Variants in FBXW7 observed in about 807,000 individuals in gnomAD.
FBXW7 encodes the protein F-box/WD repeat-containing protein 7.
A neutral mutation model predicts 86.3 loss-of-function variants in FBXW7; 11 were observed. That is an observed-to-expected ratio of 0.13 (90% confidence interval 0.08 to 0.21). The LOEUF is 0.21. Among genes scored for constraint, FBXW7 ranks in the 10% least tolerant of loss-of-function variants. The pLI is 1.00. For synonymous variants in FBXW7, 313 were observed against 297.9 expected (o/e 1.05, Z -0.52); for missense variants, 488 against 847.4 (o/e 0.58, Z 5.27).
At chr4:152,369,092 G>GA (rs564902237) in intron 4 of FBXW7, among the ~76,000 whole-genome samples, 4 of 151,882 alleles carry the variant, frequency 2.6e-5, no homozygotes, top group South Asian at 4.2e-4. Context: ...AACTAAAAAT[G>GA]AAAAAAATAC....
At chr4:152,336,914 A>C (rs1303593007) in intron 7 of FBXW7, among the ~76,000 whole-genome samples, 2 of 151,978 alleles carry the variant, frequency 1.3e-5, no homozygotes, top group Admixed American at 6.6e-5. Flanking sequence ...TTCAAATTTG[A>C]AGTTTCAGGA....
chr4:152,417,445 G>C (rs548414277), intron 2 of FBXW7, among the ~76,000 whole-genome samples: 16 of 152,176 alleles, frequency 1.1e-4, no homozygotes, highest in African/African-American at 3.4e-4. Flanking sequence ...GTATGTATGT[G>C]GCAGGCAGGT....
At chr4:152,503,101 T>C (rs183554480) in intron 2 of FBXW7, among the ~76,000 whole-genome samples, 1 of 152,330 alleles carries the variant, frequency 6.6e-6, no homozygotes, top group African/African-American at 2.4e-5. Context: ...TAGAAAATTA[T>C]GAGGAATACT....
intron 4 of FBXW7, among the ~76,000 whole-genome samples, chr4:152,351,904 T>G (rs993269331): frequency 1.3e-5 from 2 of 152,124 alleles, no homozygotes; most frequent in Non-Finnish European, 2.9e-5. Flanking sequence ...GAAAGGATTT[T>G]ATTTTAAAAA....
At chr4:152,485,167 G>C (rs1026396041) in intron 2 of FBXW7, among the ~76,000 whole-genome samples, 2 of 151,706 alleles carry the variant, frequency 1.3e-5, no homozygotes, top group African/African-American at 4.8e-5. Flanking sequence ...AAGAGTAAAA[G>C]AAAAACATAT....
At chr4:152,476,132 G>A (rs1172877469) in intron 2 of FBXW7, among the ~76,000 whole-genome samples, 1 of 152,044 alleles carries the variant, frequency 6.6e-6, no homozygotes, top group Non-Finnish European at 1.5e-5. Flanking sequence ...GACACACACA[G>A]AAATCAACAA....
chr4:152,534,283 G>GA (rs757958687), intron 2 of FBXW7, among the ~76,000 whole-genome samples: 40 of 151,514 alleles, frequency 2.6e-4, no homozygotes, highest in African/African-American at 4.1e-4. Context: ...GGGTGAAAGG[G>GA]AAAAAATCAC....
At chr4:152,422,941 T>C (rs1449311810) in intron 2 of FBXW7, among the ~76,000 whole-genome samples, 1 of 152,244 alleles carries the variant, frequency 6.6e-6, no homozygotes, top group Non-Finnish European at 1.5e-5. Context: ...TCTTTTCTTT[T>C]TCTTAAAATT....
chr4:152,461,310 C>G (rs1457142274), intron 2 of FBXW7, among the ~76,000 whole-genome samples: 1 of 152,044 alleles, frequency 6.6e-6, no homozygotes, highest in African/African-American at 2.4e-5. Context: ...TGATCTCAAC[C>G]CTAAAATTCT....
chr4:152,352,431 A>C (rs751815866), intron 4 of FBXW7: 2 of 1,612,280 alleles, frequency 1.2e-6, no homozygotes, highest in Admixed American at 1.7e-5. Context: ...AGGCATACAC[A>C]CACAATCACA....
intron 4 of FBXW7, among the ~76,000 whole-genome samples, chr4:152,389,844 T>C (rs1370053734): frequency 1.3e-5 from 2 of 152,086 alleles, no homozygotes; most frequent in East Asian, 3.8e-4. Flanking sequence ...TCCTTTATTA[T>C]AGTTTAGTGA....
intron 6 of FBXW7, among the ~76,000 whole-genome samples, chr4:152,343,694 A>G (rs1730967224): frequency 6.6e-6 from 1 of 152,166 alleles, no homozygotes; most frequent in Admixed American, 6.5e-5. Context: ...ACCATTTATT[A>G]GCACCTGAAT....
At chr4:152,421,926 C>T (rs1056735620) in intron 2 of FBXW7, among the ~76,000 whole-genome samples, 6 of 151,904 alleles carry the variant, frequency 3.9e-5, no homozygotes, top group Admixed American at 6.6e-5. Flanking sequence ...TAAAAGAGAT[C>T]GCTGATCATA....
chr4:152,480,475 A>G (rs568130646), intron 2 of FBXW7, among the ~76,000 whole-genome samples: 2 of 152,272 alleles, frequency 1.3e-5, no homozygotes, highest in East Asian at 1.9e-4. Context: ...AATGGCCTCT[A>G]AGTGTTGGAG....
At chr4:152,477,079 A>G (rs139664862) in intron 2 of FBXW7, among the ~76,000 whole-genome samples, 132 of 151,802 alleles carry the variant, frequency 8.7e-4, no homozygotes, top group South Asian at 2.9e-3. Context: ...GGAAGCTAAT[A>G]CTCTGGTCAC....
intron 2 of FBXW7, among the ~76,000 whole-genome samples, chr4:152,475,720 T>C (rs1181369314): frequency 1.3e-5 from 2 of 152,142 alleles, no homozygotes; most frequent in Non-Finnish European, 2.9e-5. Flanking sequence ...AGCAATAAGT[T>C]AGTACATCAA....
intron 4 of FBXW7, chr4:152,382,096 T>C: frequency 2.4e-6 from 2 of 845,928 alleles, no homozygotes; most frequent in South Asian, 2.8e-5. Flanking sequence ...TAATTTTAAA[T>C]AAAAACTGAA....
intron 2 of FBXW7, among the ~76,000 whole-genome samples, chr4:152,470,044 A>G (rs1743809378): frequency 6.6e-6 from 1 of 152,052 alleles, no homozygotes; most frequent in African/African-American, 2.4e-5. Flanking sequence ...CTTCAGAGTT[A>G]CACCTACTCT....
intron 2 of FBXW7, among the ~76,000 whole-genome samples, chr4:152,470,962 G>A (rs1743898781): frequency 6.6e-6 from 1 of 152,050 alleles, no homozygotes; most frequent in African/African-American, 2.4e-5. Context: ...CTTCTCTAAA[G>A]TCAGGAATAA....
Sources: allele counts gnomAD v4.1 joint callset (sites outside exome capture counted in the v4.1 genomes callset), GRCh38; gene constraint gnomAD v4.1.1; transcripts MANE v1.5; gene names NCBI Gene and HGNC (gene_info 2026-07-23, HGNC 2026-07-21).